Variants in EFNA5 observed in about 807,000 individuals in gnomAD.
EFNA5 encodes the protein ephrin A5, also known as ephrin-A5.
A neutral mutation model predicts 22.9 loss-of-function variants in EFNA5; 5 were observed. The observed-to-expected ratio is 0.22, with a 90% CI of 0.11 to 0.46. The LOEUF is 0.46. EFNA5 is among the 20% of genes least tolerant of loss of function. EFNA5 has a pLI of 0.99. For synonymous variants in EFNA5, 113 were observed against 112.2 expected (o/e 1.01, Z -0.04); for missense variants, 237 against 293.3 (o/e 0.81, Z 1.40).
intron 2 of EFNA5, among the ~76,000 whole-genome samples, chr5:107,408,188 C>CACACACCCATCA (rs912613323): frequency 3.9e-5 from 6 of 152,048 alleles, no homozygotes; most frequent in African/African-American, 1.4e-4. Context: ...CACACACACA[C>CACACACCCATCA]CCATCACCAT....
At chr5:107,391,190 T>C (rs979995355) in intron 2 of EFNA5, among the ~76,000 whole-genome samples, 3 of 152,216 alleles carry the variant, frequency 2.0e-5, no homozygotes, top group Non-Finnish European at 4.4e-5. Flanking sequence ...ATGCCTACTA[T>C]GCATCAGCTT....
chr5:107,520,000 G>T (rs72789662), intron 1 of EFNA5, among the ~76,000 whole-genome samples: 1 of 152,258 alleles, frequency 6.6e-6, no homozygotes, highest in Non-Finnish European at 1.5e-5. Context: ...TTTCTTTAAA[G>T]GGGGGAAACA....
At chr5:107,537,385 G>C (rs1005182511) in intron 1 of EFNA5, among the ~76,000 whole-genome samples, 4 of 151,360 alleles carry the variant, frequency 2.6e-5, no homozygotes, top group Admixed American at 2.6e-4. Context: ...CAGATCACGA[G>C]GTCAGGAGTT....
intron 1 of EFNA5, among the ~76,000 whole-genome samples, chr5:107,540,909 C>A (rs1442267898): frequency 1.3e-5 from 2 of 152,086 alleles, no homozygotes; most frequent in African/African-American, 4.8e-5. Context: ...GAGTTCGAGA[C>A]CAGCCTGGCC....
In EFNA5 at chr5:107,377,983, G is replaced by C. The variant is rs921558426; in HGVS notation, c.*3272C>G. The stretch of plus-strand genomic sequence containing the variant: ...TTGGGTGGGCAATGACCACACATGA[G>C]TCCTGTATGGAGCAGTGTCTCAGCC... On this transcript the variant is annotated 3_prime_UTR_variant, in exon 5 of 5. Coordinates refer to ENST00000333274, the MANE Select transcript of EFNA5 (RefSeq NM_001962.3). 2.0e-5 allele frequency: 3 copies of C among 152,120 alleles called. No homozygotes were observed. The highest frequency in any genetic ancestry group is 7.2e-5 in the African/African-American group (3 of 41,424). 9.4% of individuals were successfully genotyped at this position (152,120 alleles called of 1,614,324 possible).
intron 1 of EFNA5, among the ~76,000 whole-genome samples, chr5:107,668,382 A>G (rs773077906): frequency 3.3e-5 from 5 of 152,230 alleles, no homozygotes; most frequent in Non-Finnish European, 5.9e-5. Flanking sequence ...GACAAAAATC[A>G]ATGTGCTAAT....
chr5:107,561,182 CT>C (rs1263764960), intron 1 of EFNA5, among the ~76,000 whole-genome samples: 1 of 152,156 alleles, frequency 6.6e-6, no homozygotes, highest in African/African-American at 2.4e-5. Context: ...CCTGCCTTTC[CT>C]GCTGAAATGC....
intron 1 of EFNA5, among the ~76,000 whole-genome samples, chr5:107,480,184 CA>C (rs948013461): frequency 6.6e-6 from 1 of 152,150 alleles, no homozygotes; most frequent in Non-Finnish European, 1.5e-5. Flanking sequence ...GAAAAGCCAA[CA>C]GATTACTATT....
At chr5:107,625,748 A>G in intron 1 of EFNA5, among the ~76,000 whole-genome samples, 1 of 152,202 alleles carries the variant, frequency 6.6e-6, no homozygotes, top group Non-Finnish European at 1.5e-5. Flanking sequence ...CCATAATTCA[A>G]ACTACAGTAC....
chr5:107,439,854 T>TA (rs1384530523), intron 1 of EFNA5, among the ~76,000 whole-genome samples: 1 of 152,168 alleles, frequency 6.6e-6, no homozygotes, highest in Non-Finnish European at 1.5e-5. Flanking sequence ...CCCTGGAAAT[T>TA]AAAACAGAAT....
intron 1 of EFNA5, among the ~76,000 whole-genome samples, chr5:107,544,822 T>C (rs1748115359): frequency 6.6e-6 from 1 of 152,250 alleles, no homozygotes; most frequent in African/African-American, 2.4e-5. Context: ...ATGCTTGGCA[T>C]ATTTTAATTG....
intron 1 of EFNA5, among the ~76,000 whole-genome samples, chr5:107,629,327 C>A (rs975525608): frequency 1.3e-5 from 2 of 150,336 alleles, no homozygotes; most frequent in Non-Finnish European, 2.9e-5. Context: ...TAAGCCCTGT[C>A]CTTTCCATAT....
intron 1 of EFNA5, among the ~76,000 whole-genome samples, chr5:107,521,469 T>C (rs1580509943): frequency 1.5e-5 from 2 of 130,790 alleles, no homozygotes; most frequent in South Asian, 4.5e-4. Flanking sequence ...TATATATATA[T>C]ATATATATTT....
intron 1 of EFNA5, among the ~76,000 whole-genome samples, chr5:107,529,931 T>C (rs1747774576): frequency 6.6e-6 from 1 of 152,240 alleles, no homozygotes; most frequent in African/African-American, 2.4e-5. Flanking sequence ...TCAGGTATTA[T>C]CTATACATGT....
At chr5:107,449,633 T>C (rs1186896220) in intron 1 of EFNA5, among the ~76,000 whole-genome samples, 1 of 152,162 alleles carries the variant, frequency 6.6e-6, no homozygotes, top group African/African-American at 2.4e-5. Context: ...CCCCAAGTAT[T>C]TTCTGCACTG....
intron 1 of EFNA5, among the ~76,000 whole-genome samples, chr5:107,508,333 G>A (rs1401286305): frequency 2.6e-5 from 4 of 152,310 alleles, no homozygotes; most frequent in Non-Finnish European, 4.4e-5. Flanking sequence ...AGGTCCTCAC[G>A]TGTGAGGTCA....
chr5:107,498,322 G>A (rs547988919), intron 1 of EFNA5, among the ~76,000 whole-genome samples: 15 of 152,234 alleles, frequency 9.9e-5, no homozygotes, highest in African/African-American at 1.2e-4. Flanking sequence ...GCTCATACAC[G>A]TATATTTATT....
At chr5:107,614,532 A>G (rs1039063570) in intron 1 of EFNA5, among the ~76,000 whole-genome samples, 8 of 152,106 alleles carry the variant, frequency 5.3e-5, no homozygotes, top group African/African-American at 1.9e-4. Context: ...TGTTCAGACC[A>G]TTTGTCATGT....
intron 1 of EFNA5, among the ~76,000 whole-genome samples, chr5:107,446,544 T>G (rs896621351): frequency 2.0e-5 from 3 of 151,830 alleles, no homozygotes; most frequent in African/African-American, 7.3e-5. Context: ...GATCAGGAGA[T>G]CGAGACCAGA....
Sources: allele counts gnomAD v4.1 joint callset (sites outside exome capture counted in the v4.1 genomes callset), GRCh38; gene constraint gnomAD v4.1.1; transcripts MANE v1.5; gene names NCBI Gene and HGNC (gene_info 2026-07-23, HGNC 2026-07-21).